The following SHISA6 variants were observed in gnomAD, a reference collection of about 807,000 sequenced individuals.
The protein encoded by SHISA6 is protein shisa-6.
A neutral mutation model predicts 47.9 loss-of-function variants in SHISA6; 22 were observed. That is an observed-to-expected ratio of 0.46 (90% CI 0.33 to 0.66). The LOEUF is 0.66. Ranked by LOEUF, SHISA6 falls within the 30% of genes least tolerant of loss-of-function variation. SHISA6 has a pLI of 0.02. For synonymous variants in SHISA6, 388 were observed against 337.8 expected, an observed-to-expected ratio of 1.15 and a Z score of -1.63; for missense variants, 680 against 764.6, an observed-to-expected ratio of 0.89 and a Z score of 1.30.
At chr17:11,397,386 T>TA (rs1364488553) in intron 3 of SHISA6, among the ~76,000 whole-genome samples, 1 of 133,478 alleles carries the variant, frequency 7.5e-6, no homozygotes, top group African/African-American at 2.7e-5. Flanking sequence ...TCTACTCTCT[T>TA]ACCTGCCTCT....
chr17:11,309,095 G>A (rs1298860542), intron 2 of SHISA6, among the ~76,000 whole-genome samples: 1 of 152,122 alleles, frequency 6.6e-6, no homozygotes. Flanking sequence ...CTCCCGAGTA[G>A]CTGGGACTAC....
chr17:11,429,568 G>A (rs1219495223), intron 3 of SHISA6, among the ~76,000 whole-genome samples: 3 of 150,932 alleles, frequency 2.0e-5, no homozygotes, highest in Non-Finnish European at 4.4e-5. Flanking sequence ...ATCTCCTGAG[G>A]TTGGGAGTTC....
intron 3 of SHISA6, among the ~76,000 whole-genome samples, chr17:11,500,691 A>G (rs36044790): frequency 3.7e-4 from 57 of 152,308 alleles, no homozygotes; most frequent in African/African-American, 1.3e-3. Context: ...AATTAATTCA[A>G]ATGAAATCCC....
At chr17:11,277,311 CA>C (rs1908957087) in intron 2 of SHISA6, among the ~76,000 whole-genome samples, 1 of 150,770 alleles carries the variant, frequency 6.6e-6, no homozygotes, top group African/African-American at 2.5e-5. Flanking sequence ...CACACACACA[CA>C]CACACACCCC....
chr17:11,331,079 C>T (rs1201322113), intron 2 of SHISA6, among the ~76,000 whole-genome samples: 1 of 152,204 alleles, frequency 6.6e-6, no homozygotes, highest in Non-Finnish European at 1.5e-5. Flanking sequence ...ATTCCCCCAT[C>T]TGGGAGCCTG....
At chr17:11,245,223 T>C (rs984340057) in intron 1 of SHISA6, among the ~76,000 whole-genome samples, 2 of 152,218 alleles carry the variant, frequency 1.3e-5, no homozygotes, top group African/African-American at 4.8e-5. Context: ...GGCACAGGAT[T>C]GAAAGGCAGA....
chr17:11,278,934 T>C (rs1242987435), intron 2 of SHISA6, among the ~76,000 whole-genome samples: 1 of 152,174 alleles, frequency 6.6e-6, no homozygotes, highest in African/African-American at 2.4e-5. Context: ...GCAGAGACAC[T>C]GCCAGCCAAG....
At chr17:11,349,594 T>G (rs1911805996) in intron 2 of SHISA6, among the ~76,000 whole-genome samples, 1 of 152,212 alleles carries the variant, frequency 6.6e-6, no homozygotes, top group South Asian at 2.1e-4. Flanking sequence ...GTTCTGTAGC[T>G]GAGCAGCCAC....
rs188929866 is a variant in SHISA6 at position 11,415,696 on chromosome 17, T to G, written c.895+36187T>G. ...TTAAACTACATTGATAGGTCGAGGC[T>G]TTGCTGTGGATTTTGCTGTTTTTCC... is the stretch of plus-strand genomic sequence containing the variant. On this transcript the variant is annotated intron_variant, in intron 3 of 5. Coordinates refer to ENST00000441885, the MANE Select transcript of SHISA6 (RefSeq NM_207386.4). Among the ~76,000 whole-genome samples the G allele has an allele frequency of 3.2e-3, 487 of 152,328 alleles. 12 individuals are homozygous for G. Among genetic ancestry groups the G allele is most frequent in the Admixed American group, 0.028 (426 of 15,300 alleles).
At chr17:11,555,699 T>C in intron 4 of SHISA6, 41 bp from the exon 5 acceptor site, 1 of 1,481,090 alleles carries the variant, frequency 6.8e-7, no homozygotes, top group South Asian at 1.4e-5. Context: ...GCCACAGACA[T>C]GGTCCTCATT....
chr17:11,368,437 A>G (rs1423422159), intron 2 of SHISA6, among the ~76,000 whole-genome samples: 1 of 152,204 alleles, frequency 6.6e-6, no homozygotes, highest in Admixed American at 6.5e-5. Context: ...TATGGGGTAG[A>G]GAAGAGTCCT....
intron 3 of SHISA6, among the ~76,000 whole-genome samples, chr17:11,426,853 C>G (rs140844335): frequency 8.5e-5 from 13 of 152,194 alleles, no homozygotes; most frequent in African/African-American, 3.1e-4. Flanking sequence ...ATCCATTGAC[C>G]CAGATATTCC....
chr17:11,272,455 G>T (rs531121293), intron 2 of SHISA6, among the ~76,000 whole-genome samples: 189 of 152,272 alleles, frequency 1.2e-3, no homozygotes, highest in African/African-American at 4.1e-3. Context: ...GGGCTGACTA[G>T]GACTGTTGGC....
At chr17:11,393,178 T>G (rs1913446558) in intron 3 of SHISA6, among the ~76,000 whole-genome samples, 1 of 152,206 alleles carries the variant, frequency 6.6e-6, no homozygotes, top group African/African-American at 2.4e-5. Context: ...AAATTCCTCT[T>G]CCCCTAGTGT....
chr17:11,464,509 A>C (rs1043625465), intron 3 of SHISA6, among the ~76,000 whole-genome samples: 1 of 152,160 alleles, frequency 6.6e-6, no homozygotes, highest in Non-Finnish European at 1.5e-5. Context: ...TTTCTTGTCC[A>C]TGCAGGCCCC....
chr17:11,256,247 C>T (rs551172898), intron 1 of SHISA6, among the ~76,000 whole-genome samples: 2 of 152,264 alleles, frequency 1.3e-5, no homozygotes, highest in East Asian at 1.9e-4. Context: ...GTAGTCTCAG[C>T]GCTGTGGGAG....
chr17:11,272,779 G>A (rs1908729658), intron 2 of SHISA6, among the ~76,000 whole-genome samples: 2 of 152,208 alleles, frequency 1.3e-5, no homozygotes, highest in Non-Finnish European at 2.9e-5. Context: ...AAGTCCCACG[G>A]GGAACAGTAG....
intron 3 of SHISA6, among the ~76,000 whole-genome samples, chr17:11,535,493 G>C (rs767058272): frequency 1.6e-4 from 24 of 152,220 alleles, no homozygotes; most frequent in Non-Finnish European, 1.9e-4. Context: ...GTCAGAGGCA[G>C]ACTCCTTAGG....
At chr17:11,527,609 A>G (rs1240259676) in intron 3 of SHISA6, among the ~76,000 whole-genome samples, 1 of 152,210 alleles carries the variant, frequency 6.6e-6, no homozygotes, top group East Asian at 1.9e-4. Context: ...AAAAAATGAC[A>G]TAGTTTAAGG....
Sources: allele counts gnomAD v4.1 joint callset (sites outside exome capture counted in the v4.1 genomes callset), GRCh38; gene constraint gnomAD v4.1.1; transcripts MANE v1.5; gene names NCBI Gene and HGNC (gene_info 2026-07-23, HGNC 2026-07-21).